The following ALPK3 variants were observed in gnomAD, a reference collection of about 807,000 sequenced individuals.
ALPK3 encodes alpha kinase 3.
ALPK3 carries 102 observed loss-of-function variants against 140.0 expected under a neutral mutation model. The ratio of observed to expected loss-of-function variants is 0.73; its 90% CI spans 0.62 to 0.86. The LOEUF is 0.86. Ranked by LOEUF, ALPK3 falls within the 40% of genes least tolerant of loss-of-function variation. The pLI, the probability that ALPK3 is intolerant of heterozygous loss-of-function variation, is 0.00. For missense variants in ALPK3, 2,254 were observed against 2,208.2 expected, an observed-to-expected ratio of 1.02 and a Z score of -0.42; for synonymous variants, 938 against 898.5, an observed-to-expected ratio of 1.04 and a Z score of -0.79.
At chr15:84,860,708 A>C (rs1374288849) in intron 9 of ALPK3, among the ~76,000 whole-genome samples, 1 of 152,138 alleles carries the variant, frequency 6.6e-6, no homozygotes, top group Non-Finnish European at 1.5e-5. Flanking sequence ...CACTCTTTCA[A>C]TCACTCATTC....
In ALPK3 at chr15:84,817,615, A is replaced by G; in HGVS notation, c.143+20A>G. On this transcript the variant is annotated intron_variant, in intron 1 of 13. Coordinates refer to ENST00000258888, the MANE Select transcript of ALPK3 (RefSeq NM_020778.5). ...GACCAGGTAAGTGGCACCAAGGGGC[A>G]GGGCGGCGTCGGGCCGGCGATGCCC... is the stretch of plus-strand genomic sequence containing the variant. 1.3e-6 allele frequency: 2 copies of G among 1,481,938 alleles called. No homozygotes were observed. Among genetic ancestry groups the G allele is most frequent in the Non-Finnish European group, 1.8e-6 (2 of 1,121,590 alleles). The allele number at this position is 1,481,938 out of a possible 1,614,324, so 91.8% of individuals were successfully genotyped here.
chr15:84,867,093 A>G (rs912637198), intron 12 of ALPK3, among the ~76,000 whole-genome samples: 2 of 151,912 alleles, frequency 1.3e-5, no homozygotes, highest in African/African-American at 4.8e-5. Flanking sequence ...AGAGACCTGC[A>G]TGCTGTGAGA....
intron 9 of ALPK3, among the ~76,000 whole-genome samples, chr15:84,862,009 A>G (rs1407545599): frequency 6.6e-6 from 1 of 152,046 alleles, no homozygotes; most frequent in East Asian, 1.9e-4. Context: ...CCAAGTCTCT[A>G]ATAGCTTTTG....
At chr15:84,854,185 A>G (rs1963835854) in intron 5 of ALPK3, among the ~76,000 whole-genome samples, 2 of 134,818 alleles carry the variant, frequency 1.5e-5, no homozygotes, top group African/African-American at 5.4e-5. Context: ...TTATAATTTC[A>G]GTTTTATATA....
chr15:84,837,973 C>T (rs995402258), intron 3 of ALPK3, among the ~76,000 whole-genome samples: 4 of 152,122 alleles, frequency 2.6e-5, no homozygotes, highest in South Asian at 4.1e-4. Context: ...ATCTGGTGTC[C>T]GTTACTGGAC....
Position 84,823,415 on chromosome 15 carries a change from T to C in ALPK3, c.182+47T>C, listed in dbSNP as rs1395335723. On this transcript the variant is annotated intron_variant, in intron 2 of 13. Transcript: ENST00000258888. ...TTTCTCTGACTGCTTTTTCCTTGGG[T>C]CTGGGCATTGAGGGGCCACTGAGTG... 4 of 1,609,796 alleles carry C rather than the reference T, an allele frequency of 2.5e-6. No individual in the cohort carries two copies. In the South Asian group the frequency reaches 4.4e-5, roughly 18 times the overall value.
chr15:84,872,855 C>T lies in ALPK3; in HGVS notation c.*4399C>T, dbSNP rs767976050. On this transcript the variant is annotated 3_prime_UTR_variant, in exon 14 of 14. Coordinates refer to ENST00000258888, the MANE Select transcript of ALPK3 (RefSeq NM_020778.5). ...AAAATAAGTTTTTCCTTCAAAAATACATTTGACTTCCTCTCCATTTAAGGT... is the reference window on the plus strand; with the variant it reads ...AAAATAAGTTTTTCCTTCAAAAATATATTTGACTTCCTCTCCATTTAAGGT... 1 of 152,214 alleles carries T rather than the reference C, an allele frequency of 6.6e-6. No individual in the cohort carries two copies. Among genetic ancestry groups the T allele is most frequent in the Non-Finnish European group, 1.5e-5 (1 of 68,044 alleles). The allele number at this position is 152,214 out of a possible 1,614,324, so 9.4% of individuals were successfully genotyped here.
Position 84,839,113 on chromosome 15 carries a change from C to G in ALPK3, c.422+16C>G. 2 of 1,591,142 alleles carry G rather than the reference C, an allele frequency of 1.3e-6. No individual in the cohort carries two copies. Among genetic ancestry groups the G allele is most frequent in the Non-Finnish European group, 1.7e-6 (2 of 1,166,408 alleles). On this transcript the variant is annotated intron_variant, in intron 4 of 13. Transcript: ENST00000258888. Reference sequence around the variant, plus strand: ...AGCTGTACAGGTGAGGGAGAAGGGCCTGTTTTGCTCTCTCTGCCCTCCCGA... The same window carrying G: ...AGCTGTACAGGTGAGGGAGAAGGGCGTGTTTTGCTCTCTCTGCCCTCCCGA...
intron 6 of ALPK3, among the ~76,000 whole-genome samples, chr15:84,858,979 C>T (rs1275250393): frequency 6.6e-6 from 1 of 152,144 alleles, no homozygotes; most frequent in Non-Finnish European, 1.5e-5. Flanking sequence ...GTCTCAACTG[C>T]TGTCTGCGTC....
chr15:84,819,224 G>A (rs1296673379), intron 1 of ALPK3, among the ~76,000 whole-genome samples: 1 of 152,220 alleles, frequency 6.6e-6, no homozygotes, highest in Non-Finnish European at 1.5e-5. Flanking sequence ...GAGAGCTAGA[G>A]GCAGGATAGA....
chr15:84,862,568 C>G (rs1596157766), intron 9 of ALPK3, 67 bp from the exon 10 acceptor site: 2 of 1,521,468 alleles, frequency 1.3e-6, no homozygotes, highest in Admixed American at 4.2e-5. Flanking sequence ...CCTTTTCCTT[C>G]CCTGTGAGCC....
At chr15:84,831,698 T>C (rs1172295651) in intron 3 of ALPK3, among the ~76,000 whole-genome samples, 2 of 152,240 alleles carry the variant, frequency 1.3e-5, no homozygotes, top group Non-Finnish European at 2.9e-5. Flanking sequence ...TTTCCTCCCA[T>C]ATCTAGAAAT....
rs928430373 is a variant in ALPK3, at chr15:84,872,215, C to A, written c.*3759C>A. Reference sequence around the variant, plus strand: ...CCAAGTGTTCAGGCTCTCCCAGAGCCCAGTGGTGAGCCAGAAGGGCATTTT... The same window carrying A: ...CCAAGTGTTCAGGCTCTCCCAGAGCACAGTGGTGAGCCAGAAGGGCATTTT... On this transcript the variant is annotated 3_prime_UTR_variant, in exon 14 of 14. Coordinates refer to ENST00000258888, the MANE Select transcript of ALPK3 (RefSeq NM_020778.5). The A allele has an allele frequency of 6.6e-6, 1 of 152,226 alleles. No homozygotes were observed. Among genetic ancestry groups the A allele is most frequent in the Admixed American group, 6.5e-5 (1 of 15,276 alleles). 9.4% of individuals were successfully genotyped at this position (152,226 alleles called of 1,614,324 possible).
chr15:84,818,164 G>A (rs1963384163), intron 1 of ALPK3, among the ~76,000 whole-genome samples: 1 of 152,170 alleles, frequency 6.6e-6, no homozygotes. Context: ...GGGGTGGGAT[G>A]AGGTACTGTC....
rs1567089525 is a variant in ALPK3, at chr15:84,839,936, C to T, written c.657C>T (p.Asp219=). 6.2e-7 allele frequency: 1 copy of T among 1,613,702 alleles called. No homozygotes were observed. The highest frequency in any genetic ancestry group is 1.7e-5 in the Admixed American group (1 of 60,000). ...ACACTCTGCGCAAGCTCAGCCCCGA[C>T]CGCTTCCAGCGAAAGCGGCGATTGA... The part of the protein sequence containing the change: ...EVDTLRKLSP[D]RFQRKRRLSG... The change falls in exon 5 of 14, where the codon GAC becomes GAT. Residue 219 remains aspartate (D), a synonymous_variant. Coordinates refer to ENST00000258888, the MANE Select transcript of ALPK3 (RefSeq NM_020778.5).
At chr15:84,864,147 A>T (rs1190258926) in intron 11 of ALPK3, among the ~76,000 whole-genome samples, 2 of 152,150 alleles carry the variant, frequency 1.3e-5, no homozygotes, top group Non-Finnish European at 2.9e-5. Flanking sequence ...CTTCTGTTTG[A>T]CACATACATG....
chr15:84,856,588 A>G lies in ALPK3; in HGVS notation c.1850A>G (p.Gln617Arg), dbSNP rs902710450. 3.1e-6 allele frequency: 5 copies of G among 1,614,158 alleles called. No individual in the cohort carries two copies. Among genetic ancestry groups the G allele is most frequent in the Non-Finnish European group, 3.4e-6 (4 of 1,180,042 alleles). ...KKNVQADGKI[Q>R]VDGRTRGDGT... ...AATGTGCAGGCAGATGGGAAGATACAAGTGGATGGAAGGACCAGGGGAGAT... is the reference window on the plus strand; with the variant it reads ...AATGTGCAGGCAGATGGGAAGATACGAGTGGATGGAAGGACCAGGGGAGAT... Residue 617 changes from glutamine (Q) to arginine (R), a missense_variant, in exon 6 of 14, where the codon CAA becomes CGA. Physicochemically the swap from Gln to Arg is conservative, Grantham distance 43. Around this residue, in one of 3 missense-constraint regions of ALPK3, gnomAD observed 2,088 missense variants for 2,022.9 expected, o/e 1.03. Transcript: ENST00000258888.
chr15:84,863,118 A>G lies in ALPK3; in HGVS notation c.4410+203A>G, dbSNP rs187103559. Among the ~76,000 whole-genome samples, 11 of 152,206 alleles carry G rather than the reference A, an allele frequency of 7.2e-5. No homozygotes were observed. In the East Asian group the frequency reaches 2.1e-3, roughly 29 times the overall value. Reference sequence around the variant, plus strand: ...GGCCTCAGAGAGCTTGAGAGCTTCAAAACGACTTGGGCCATAGTTTTCAAA... The same window carrying G: ...GGCCTCAGAGAGCTTGAGAGCTTCAGAACGACTTGGGCCATAGTTTTCAAA... On this transcript the variant is annotated intron_variant, in intron 10 of 13. Transcript: ENST00000258888.
At chr15:84,845,970 G>C (rs986388843) in intron 5 of ALPK3, among the ~76,000 whole-genome samples, 8 of 152,176 alleles carry the variant, frequency 5.3e-5, no homozygotes, top group Non-Finnish European at 1.0e-4. Flanking sequence ...TGAGGTGGGA[G>C]AATTGCTTGA....
Sources: gnomAD v4.1 joint callset for allele counts (sites outside exome capture counted in the v4.1 genomes callset) on GRCh38, gnomAD v4.1.1 for gene constraint, gnomAD v4.1.1 regional missense constraint, MANE v1.5 for transcripts, NCBI Gene and HGNC (gene_info 2026-07-23, HGNC 2026-07-21) for gene names.